RELN: variants seen among roughly 807,000 people sequenced by gnomAD.
RELN encodes the protein reelin.
A neutral mutation model predicts 427.6 loss-of-function variants in RELN; 108 were observed. The observed-to-expected ratio is 0.25, with a 90% CI of 0.22 to 0.30. RELN has a LOEUF of 0.30. RELN is among the 10% of genes least tolerant of loss of function. RELN has a pLI of 1.00. For synonymous variants in RELN, 1,524 were observed against 1,513.4 expected, an observed-to-expected ratio of 1.01 and a Z score of -0.16; for missense variants, 3,715 against 4,302.8, an observed-to-expected ratio of 0.86 and a Z score of 3.82.
chr7:103,508,616 T>G (rs1584248106), intron 51 of RELN, among the ~76,000 whole-genome samples: 1 of 109,414 alleles, frequency 9.1e-6, no homozygotes, highest in Non-Finnish European at 2.1e-5. Flanking sequence ...CTCTTAGCTC[T>G]CTCTCTTATT....
chr7:103,825,546 A>T (rs1793116078), intron 3 of RELN, among the ~76,000 whole-genome samples: 1 of 152,148 alleles, frequency 6.6e-6, no homozygotes, highest in Non-Finnish European at 1.5e-5. Flanking sequence ...ATGGCAAAAA[A>T]CTTAGTTTTG....
At chr7:103,658,863 C>T (rs1160909544) in intron 12 of RELN, among the ~76,000 whole-genome samples, 1 of 151,740 alleles carries the variant, frequency 6.6e-6, no homozygotes, top group Non-Finnish European at 1.5e-5. Context: ...CTGCCATTAC[C>T]CCCAAACCAC....
At chr7:103,612,879 T>A (rs1831993739) in intron 20 of RELN, among the ~76,000 whole-genome samples, 1 of 152,214 alleles carries the variant, frequency 6.6e-6, no homozygotes, top group Non-Finnish European at 1.5e-5. Flanking sequence ...AAGATTAAAA[T>A]ATAGACATAT....
intron 6 of RELN, among the ~76,000 whole-genome samples, chr7:103,741,884 T>C (rs1456257429): frequency 6.6e-6 from 1 of 152,086 alleles, no homozygotes; most frequent in Non-Finnish European, 1.5e-5. Flanking sequence ...AGATGGGTGA[T>C]TTCTGCATTT....
Position 103,553,649 on chromosome 7 carries a change from T to C in RELN, c.5969+11A>G, listed in dbSNP as rs370836188. Reference sequence around the variant, plus strand: ...CAGCAGTGGTTTTATTTTTAGATTCTTAATACTTACGGTGCCCCCTTTGAA... The same window carrying C: ...CAGCAGTGGTTTTATTTTTAGATTCCTAATACTTACGGTGCCCCCTTTGAA... On this transcript the variant is annotated intron_variant, in intron 39 of 64. Transcript: ENST00000428762. 5 of 1,613,840 alleles carry C rather than the reference T, an allele frequency of 3.1e-6. No individual in the cohort carries two copies. In the African/African-American group the frequency reaches 5.3e-5, roughly 17 times the overall value.
chr7:103,789,022 C>T (rs1792092179), intron 3 of RELN, among the ~76,000 whole-genome samples: 2 of 152,112 alleles, frequency 1.3e-5, no homozygotes, highest in South Asian at 4.2e-4. Flanking sequence ...ACAGAGGCCT[C>T]AGAAATAACA....
chr7:103,602,665 A>G (rs1320242776), intron 24 of RELN, among the ~76,000 whole-genome samples: 2 of 152,122 alleles, frequency 1.3e-5, no homozygotes, highest in African/African-American at 4.8e-5. Flanking sequence ...GGAACATCAC[A>G]CACTGGGGCC....
intron 29 of RELN, 120 bp from the exon 30 acceptor site, chr7:103,574,419 A>T: frequency 2.4e-6 from 2 of 840,296 alleles, no homozygotes. Flanking sequence ...GAGAGGCCAC[A>T]TGAAAATTTG....
chr7:103,745,590 G>A lies in RELN; in HGVS notation c.656+3836C>T, dbSNP rs1160909600. Among the ~76,000 whole-genome samples the A allele has an allele frequency of 4.7e-3, 704 of 151,346 alleles. 7 individuals are homozygous for A. Among genetic ancestry groups the A allele is most frequent in the African/African-American group, 0.016 (645 of 40,808 alleles). On this transcript the variant is annotated intron_variant, in intron 6 of 64. Transcript: ENST00000428762. Reference sequence around the variant, plus strand: ...AAGTCTCAGGATACAAAATCAATGTGCAAAAATCACAAGCATTCTTATGCA... The same window carrying A: ...AAGTCTCAGGATACAAAATCAATGTACAAAAATCACAAGCATTCTTATGCA...
chr7:103,572,619 C>T (rs151011548), intron 30 of RELN, among the ~76,000 whole-genome samples: 2 of 151,788 alleles, frequency 1.3e-5, no homozygotes, highest in Non-Finnish European at 1.5e-5. Flanking sequence ...TCACTGCAAG[C>T]TCCGCCCCCC....
At chr7:103,615,000 C>A (rs1419261470) in intron 20 of RELN, among the ~76,000 whole-genome samples, 1 of 151,998 alleles carries the variant, frequency 6.6e-6, no homozygotes, top group Non-Finnish European at 1.5e-5. Context: ...TTGTCTAAAT[C>A]AAGACATATT....
rs142311297 is a variant in RELN at position 103,595,216 on chromosome 7, T to C, written c.3540-724A>G. 7.4e-3 allele frequency among the ~76,000 whole-genome samples: 1,120 copies of C among 152,328 alleles called. 7 individuals carry two copies. Among genetic ancestry groups the C allele is most frequent in the Non-Finnish European group, 0.011 (743 of 68,012 alleles). On this transcript the variant is annotated intron_variant, in intron 25 of 64. Coordinates refer to ENST00000428762, the MANE Select transcript of RELN (RefSeq NM_005045.4). ...TACTGAACTCTCAATAATTTCAGAT[T>C]CACATATTACTTGGAAAAAATAATT...
chr7:103,653,728 C>A (rs1362698628), intron 13 of RELN, among the ~76,000 whole-genome samples: 1 of 151,880 alleles, frequency 6.6e-6, no homozygotes, highest in Non-Finnish European at 1.5e-5. Flanking sequence ...TGTCTTCTAC[C>A]CAGGAGATCT....
chr7:103,879,298 G>T (rs1794553778), intron 2 of RELN, among the ~76,000 whole-genome samples: 1 of 152,170 alleles, frequency 6.6e-6, no homozygotes, highest in African/African-American at 2.4e-5. Context: ...CACAATACCT[G>T]AAACAAGTGT....
chr7:103,764,382 A>T (rs1052809692), intron 4 of RELN, among the ~76,000 whole-genome samples: 2 of 152,162 alleles, frequency 1.3e-5, no homozygotes, highest in South Asian at 4.1e-4. Context: ...TCATGGCTAG[A>T]AAGTGCCAGA....
chr7:103,622,773 T>G (rs1832248704), intron 20 of RELN, among the ~76,000 whole-genome samples: 1 of 152,196 alleles, frequency 6.6e-6, no homozygotes, highest in African/African-American at 2.4e-5. Context: ...CCATTTCTCT[T>G]ACCCTAACAG....
chr7:103,643,112 C>T (rs1323719557), intron 16 of RELN, among the ~76,000 whole-genome samples: 3 of 151,988 alleles, frequency 2.0e-5, no homozygotes, highest in Admixed American at 1.3e-4. Flanking sequence ...AGAATTTGGT[C>T]ATTTCTCAAT....
At chr7:103,541,792 T>C (rs1830182241) in intron 43 of RELN, among the ~76,000 whole-genome samples, 1 of 152,146 alleles carries the variant, frequency 6.6e-6, no homozygotes, top group Non-Finnish European at 1.5e-5. Context: ...AAATCTGAAA[T>C]AAGGAACATC....
rs1832676819 is a variant in RELN, at chr7:103,640,603, A to G, written c.2009T>C (p.Ile670Thr). ...GNMWAIDNVY[I>T]GPSCLKFCSG... ...ACAGAATTTGAGACATGACGGGCCA[A>G]TATAAACTGTGGGAGGGAAAAAGAG... Residue 670 changes from isoleucine (I) to threonine (T), a missense_variant, in exon 17 of 65, where the codon ATT (isoleucine) becomes ACT (threonine). Transcript: ENST00000428762. The surrounding 1 kb of genome is among the most constrained non-coding windows in gnomAD (Gnocchi z 4.1). 1 of 1,613,864 alleles carries G rather than the reference A, an allele frequency of 6.2e-7. No homozygotes were observed. The highest frequency in any genetic ancestry group is 1.1e-5 in the South Asian group (1 of 91,076).
Sources: gnomAD v4.1 joint callset for allele counts (sites outside exome capture counted in the v4.1 genomes callset) on GRCh38, gnomAD v4.1.1 for gene constraint, Gnocchi (gnomAD v3.1) non-coding constraint, MANE v1.5 for transcripts, NCBI Gene and HGNC (gene_info 2026-07-23, HGNC 2026-07-21) for gene names.